SIPA1L3: variants seen among roughly 807,000 people sequenced by gnomAD.
The protein encoded by SIPA1L3 is signal induced proliferation associated 1 like 3, also known as signal-induced proliferation-associated 1-like protein 3.
SIPA1L3 carries 59 observed loss-of-function variants against 150.1 expected under a neutral mutation model. The ratio of observed to expected loss-of-function variants is 0.39; its 90% CI spans 0.32 to 0.49. SIPA1L3 has a LOEUF of 0.49. Among genes scored for constraint, SIPA1L3 ranks in the 20% least tolerant of loss-of-function variants. The pLI is 0.86. For missense variants in SIPA1L3, 2,211 were observed against 2,489.5 expected (o/e 0.89, Z 2.38); for synonymous variants, 1,070 against 1,077.6 (o/e 0.99, Z 0.14).
At chr19:38,043,516 T>C (rs1357563685) in intron 2 of SIPA1L3, among the ~76,000 whole-genome samples, 2 of 152,198 alleles carry the variant, frequency 1.3e-5, no homozygotes, top group East Asian at 3.8e-4. Context: ...CAGAACCTTC[T>C]AGGGTTGCCT....
chr19:37,914,556 A>G (rs1239135708), intron 1 of SIPA1L3, among the ~76,000 whole-genome samples: 1 of 151,598 alleles, frequency 6.6e-6, no homozygotes, highest in African/African-American at 2.4e-5. Flanking sequence ...GGTACTTTTA[A>G]TAGAGGAGAC....
chr19:37,996,147 C>G (rs1054877340), intron 1 of SIPA1L3, among the ~76,000 whole-genome samples: 6 of 152,098 alleles, frequency 3.9e-5, no homozygotes, highest in Non-Finnish European at 7.4e-5. Flanking sequence ...GGGCTGGTCT[C>G]AAACTCCTGG....
intron 2 of SIPA1L3, among the ~76,000 whole-genome samples, chr19:38,050,221 C>T (rs958517503): frequency 7.2e-5 from 11 of 151,782 alleles, no homozygotes; most frequent in Non-Finnish European, 8.8e-5. Flanking sequence ...TTTGGGAGGC[C>T]GAGGCAGGTG....
intron 2 of SIPA1L3, among the ~76,000 whole-genome samples, chr19:38,044,094 A>C (rs1216384045): frequency 6.6e-6 from 1 of 152,092 alleles, no homozygotes; most frequent in African/African-American, 2.4e-5. Context: ...TGAGAGAAAG[A>C]GAGGGGGCTA....
rs2145918520 is a variant in SIPA1L3, at chr19:38,130,611, G to A, written c.2982G>A (p.Gly994=). Residue 994 remains glycine, a synonymous_variant, in exon 10 of 22, where the codon GGG becomes GGA. Transcript: ENST00000222345. ...DGTVAEVEDY[G]FAWQAGLRQG... ...CGGTGGCCGAGGTTGAGGACTATGGGTTCGCCTGGCAGGCCGGCCTCCGGC... is the reference window on the plus strand; with the variant it reads ...CGGTGGCCGAGGTTGAGGACTATGGATTCGCCTGGCAGGCCGGCCTCCGGC... 2 of 1,613,802 alleles carry A rather than the reference G, an allele frequency of 1.2e-6. No homozygotes were observed. Among genetic ancestry groups the A allele is most frequent in the South Asian group, 2.2e-5 (2 of 91,084 alleles).
intron 20 of SIPA1L3, among the ~76,000 whole-genome samples, chr19:38,203,539 T>C (rs1973137668): frequency 6.6e-6 from 1 of 152,182 alleles, no homozygotes; most frequent in South Asian, 2.1e-4. Context: ...GGGCCCCTGA[T>C]TCAAATCCTA....
At chr19:38,122,550 T>G (rs576674652) in intron 9 of SIPA1L3, among the ~76,000 whole-genome samples, 2 of 152,324 alleles carry the variant, frequency 1.3e-5, no homozygotes, top group South Asian at 4.1e-4. Flanking sequence ...CTCTGTGGCC[T>G]GTTCTCGACG....
chr19:38,008,201 A>T (rs1187592818), intron 1 of SIPA1L3, among the ~76,000 whole-genome samples: 1 of 149,478 alleles, frequency 6.7e-6, no homozygotes, highest in Non-Finnish European at 1.5e-5. Context: ...AAGAGGTGAG[A>T]AATCACCATA....
intron 20 of SIPA1L3, chr19:38,203,546 C>G (rs1312738218): frequency 6.6e-6 from 1 of 152,634 alleles, no homozygotes; most frequent in Non-Finnish European, 1.5e-5. Context: ...TGATTCAAAT[C>G]CTAGCACCAG....
chr19:38,057,176 CAAG>C (rs1371590375), intron 2 of SIPA1L3, among the ~76,000 whole-genome samples: 1 of 151,916 alleles, frequency 6.6e-6, no homozygotes, highest in Non-Finnish European at 1.5e-5. Flanking sequence ...GAGGCTGAGG[CAAG>C]AGAATTGCTT....
chr19:37,974,541 T>C (rs1481621538), intron 1 of SIPA1L3, among the ~76,000 whole-genome samples: 3 of 151,000 alleles, frequency 2.0e-5, no homozygotes, highest in Non-Finnish European at 2.9e-5. Flanking sequence ...TATTGATTCA[T>C]GGCAGAGGTG....
chr19:37,924,263 C>T (rs191959772), intron 1 of SIPA1L3, among the ~76,000 whole-genome samples: 19 of 152,220 alleles, frequency 1.2e-4, no homozygotes, highest in African/African-American at 4.3e-4. Flanking sequence ...TAGGCCTCCA[C>T]AGGATCATTA....
chr19:38,178,098 T>G (rs1020298595), intron 15 of SIPA1L3, among the ~76,000 whole-genome samples: 79 of 61,944 alleles, frequency 1.3e-3, no homozygotes, highest in African/African-American at 5.4e-3. Context: ...TGTGTGTGTG[T>G]GTGTGTGTGT....
chr19:38,173,007 T>C (rs1371277893), intron 15 of SIPA1L3, among the ~76,000 whole-genome samples: 1 of 151,794 alleles, frequency 6.6e-6, no homozygotes, highest in Admixed American at 6.6e-5. Flanking sequence ...GAGGCTGAGG[T>C]TGGAGGATTG....
intron 2 of SIPA1L3, among the ~76,000 whole-genome samples, chr19:38,036,433 A>AGC (rs2145730690): frequency 6.6e-6 from 1 of 152,242 alleles, no homozygotes; most frequent in South Asian, 2.1e-4. Context: ...GTGTGTCCCG[A>AGC]GGGCTGCCCA....
chr19:38,152,910 G>A lies in SIPA1L3; in HGVS notation c.3604G>A (p.Asp1202Asn), dbSNP rs763818612. The A allele has an allele frequency of 1.5e-5, 25 of 1,613,606 alleles. No homozygotes were observed. The highest frequency in any genetic ancestry group is 4.5e-5 in the East Asian group (2 of 44,884). Residue 1202 changes from aspartate (D) to asparagine (N), a missense_variant, in exon 13 of 22, where the codon GAC becomes AAC. Physicochemically the swap from Asp to Asn is conservative, Grantham distance 23 (BLOSUM62 1). Around this residue, in one of 5 missense-constraint regions of SIPA1L3, gnomAD observed 806 missense variants for 870.1 expected, o/e 0.93. Coordinates refer to ENST00000222345, the MANE Select transcript of SIPA1L3 (RefSeq NM_015073.3). ...CAGCCACGATGGGACGTCCAGCGGC[G>A]ACTCCTCTTCCGGCGGCCTGACCAG... ...HFSHDGTSSG[D>N]SSSGGLTSQE...
At chr19:38,122,053 T>G (rs1300450905) in intron 9 of SIPA1L3, among the ~76,000 whole-genome samples, 1 of 151,442 alleles carries the variant, frequency 6.6e-6, no homozygotes, top group East Asian at 2.0e-4. Context: ...AAACCTCATC[T>G]CTACTAAAAA....
chr19:38,014,752 C>T (rs1042957413), intron 1 of SIPA1L3, among the ~76,000 whole-genome samples: 1 of 151,466 alleles, frequency 6.6e-6, no homozygotes, highest in Non-Finnish European at 1.5e-5. Context: ...TCACTGCAAG[C>T]TCTGCCTCCC....
At chr19:38,097,832 A>G (rs1238792983) in intron 4 of SIPA1L3, among the ~76,000 whole-genome samples, 1 of 152,232 alleles carries the variant, frequency 6.6e-6, no homozygotes, top group African/African-American at 2.4e-5. Flanking sequence ...TGCTGGGATT[A>G]CAGGTGTGAG....
Sources: gnomAD v4.1 joint callset for allele counts (sites outside exome capture counted in the v4.1 genomes callset) on GRCh38, gnomAD v4.1.1 for gene constraint, gnomAD v4.1.1 regional missense constraint, MANE v1.5 for transcripts, NCBI Gene and HGNC (gene_info 2026-07-23, HGNC 2026-07-21) for gene names.